COPZ1: variants seen among roughly 807,000 people sequenced by gnomAD.
COPZ1 encodes the protein coat protein complex I subunit zeta 1, also known as coatomer subunit zeta-1.
In COPZ1, 4 loss-of-function variants were observed where a neutral mutation model predicts 31.7. That is an observed-to-expected ratio of 0.13 (90% CI 0.06 to 0.29). COPZ1 has a LOEUF of 0.29. COPZ1 is among the 10% of genes least tolerant of loss of function. The probability of loss-of-function intolerance (pLI) is 1.00; values close to 1 mark genes in which losing one functional copy is unlikely to be tolerated. For synonymous variants in COPZ1, 74 were observed against 79.0 expected (o/e 0.94, Z 0.33); for missense variants, 156 against 211.5 (o/e 0.74, Z 1.63).
chr12:54,329,690 C>G (rs1592196390), intron 1 of COPZ1, among the ~76,000 whole-genome samples: 2 of 152,180 alleles, frequency 1.3e-5, no homozygotes, highest in African/African-American at 4.8e-5. Flanking sequence ...TTCTCCAGTG[C>G]TTTACAGACT....
At position 54,345,507 on chromosome 12, in the gene COPZ1, G is replaced by C; in HGVS notation, c.309G>C (p.Gln103His). 6.2e-7 allele frequency: 1 copy of C among 1,612,630 alleles called. No individual in the cohort carries two copies. The highest frequency in any genetic ancestry group is 8.5e-7 in the Non-Finnish European group (1 of 1,178,712). Reference sequence around the variant, plus strand: ...ACTGTCTCTTCGACTCATTGAGCCAGATGCTGAGGTGAGCAGGACATTCTT... The same window carrying C: ...ACTGTCTCTTCGACTCATTGAGCCACATGCTGAGGTGAGCAGGACATTCTT... ...VLNCLFDSLS[Q>H]MLRKNVEKRA... The change falls in exon 5 of 9, where the codon CAG (glutamine) becomes CAC (histidine). Residue 103 changes from glutamine to histidine, a missense_variant. By Grantham distance (24) the Gln-to-His change is conservative. Transcript: ENST00000262061.
chr12:54,348,787 G>A (rs1436226335), intron 7 of COPZ1, among the ~76,000 whole-genome samples: 2 of 152,018 alleles, frequency 1.3e-5, no homozygotes, highest in Non-Finnish European at 2.9e-5. Flanking sequence ...CATAACTGAG[G>A]ATGGTACCTC....
chr12:54,345,352 G>A, intron 4 of COPZ1, 108 bp from the exon 5 acceptor site: 1 of 739,380 alleles, frequency 1.4e-6, no homozygotes, highest in Non-Finnish European at 2.3e-6. Flanking sequence ...TTGGTCCTTT[G>A]TGAAAGCCTG....
At chr12:54,329,115 T>G (rs1953709572) in intron 1 of COPZ1, among the ~76,000 whole-genome samples, 1 of 152,192 alleles carries the variant, frequency 6.6e-6, no homozygotes, top group Non-Finnish European at 1.5e-5. Flanking sequence ...TTCCCAATGC[T>G]TAATAATAGT....
At chr12:54,339,508 T>G (rs1249986573) in intron 1 of COPZ1, among the ~76,000 whole-genome samples, 1 of 152,000 alleles carries the variant, frequency 6.6e-6, no homozygotes, top group Non-Finnish European at 1.5e-5. Context: ...CCACCACACC[T>G]GGCTAATTTT....
At chr12:54,328,275 CAA>C (rs35785237) in intron 1 of COPZ1, among the ~76,000 whole-genome samples, 4 of 111,594 alleles carry the variant, frequency 3.6e-5, no homozygotes, top group Non-Finnish European at 1.8e-5. Flanking sequence ...GACTCCATCT[CAA>C]AAAAAAAAAA....
chr12:54,328,342 T>A (rs1423982899), intron 1 of COPZ1, among the ~76,000 whole-genome samples: 3 of 148,580 alleles, frequency 2.0e-5, no homozygotes, highest in African/African-American at 7.5e-5. Flanking sequence ...GAGGCCGAGG[T>A]GGGCGGATCA....
At chr12:54,327,907 GATA>G (rs146237893) in intron 1 of COPZ1, among the ~76,000 whole-genome samples, 15,013 of 152,078 alleles carry the variant, frequency 0.099, 1,582 homozygotes, top group African/African-American at 0.27. Flanking sequence ...GAATGAGGAA[GATA>G]ATAATTGGGG....
At chr12:54,327,296 GTTT>G (rs79015590) in intron 1 of COPZ1, among the ~76,000 whole-genome samples, 2 of 118,664 alleles carry the variant, frequency 1.7e-5, no homozygotes, top group Non-Finnish European at 3.6e-5. Flanking sequence ...CAGTTAGCAA[GTTT>G]TTTTTTTTTT....
chr12:54,328,573 TAAAGAA>T (rs1203597845), intron 1 of COPZ1, among the ~76,000 whole-genome samples: 2 of 152,132 alleles, frequency 1.3e-5, no homozygotes, highest in Non-Finnish European at 2.9e-5. Flanking sequence ...TCAGAAAAGT[TAAAGAA>T]AAAGAAAGTC....
intron 5 of COPZ1, among the ~76,000 whole-genome samples, chr12:54,346,175 A>G (rs1011325969): frequency 1.3e-5 from 2 of 152,044 alleles, no homozygotes; most frequent in Admixed American, 6.6e-5. Context: ...CATTCTTGAC[A>G]TTAGAAGTAG....
At chr12:54,329,351 A>T (rs938176782) in intron 1 of COPZ1, among the ~76,000 whole-genome samples, 1 of 152,122 alleles carries the variant, frequency 6.6e-6, no homozygotes, top group Non-Finnish European at 1.5e-5. Context: ...TGTAATCCTG[A>T]GGTGAGTGGA....
chr12:54,334,222 C>T (rs1216010987), intron 1 of COPZ1, among the ~76,000 whole-genome samples: 5 of 151,646 alleles, frequency 3.3e-5, no homozygotes, highest in South Asian at 4.2e-4. Flanking sequence ...GGCGAAACCC[C>T]GTCTCTACAA....
intron 1 of COPZ1, among the ~76,000 whole-genome samples, chr12:54,332,693 C>G (rs1050237404): frequency 7.3e-5 from 11 of 150,496 alleles, no homozygotes; most frequent in African/African-American, 2.7e-4. Context: ...GAGATTGCAC[C>G]ATTGCACTCC....
rs755300280 is a variant in COPZ1, at chr12:54,350,586, C to T, written c.*63C>T. 4.2e-4 allele frequency: 526 copies of T among 1,263,230 alleles called. 1 individual carries two copies. The highest frequency in any genetic ancestry group is 5.9e-4 in the Non-Finnish European group (511 of 859,870). 78.3% of individuals were successfully genotyped at this position (1,263,230 alleles called of 1,614,324 possible). ...AATTTGCATGTCTGCTGTGAATTTT[C>T]ATCTAGTTCCCCAATCGATGCTCTC... On this transcript the variant is annotated 3_prime_UTR_variant, in exon 9 of 9. Coordinates refer to ENST00000262061, the MANE Select transcript of COPZ1 (RefSeq NM_016057.3).
At chr12:54,337,701 C>T (rs893584409) in intron 1 of COPZ1, among the ~76,000 whole-genome samples, 3 of 152,164 alleles carry the variant, frequency 2.0e-5, no homozygotes, top group Non-Finnish European at 2.9e-5. Flanking sequence ...GGCATTTAAG[C>T]GCCTGCCTAA....
intron 1 of COPZ1, 147 bp from the exon 2 acceptor site, chr12:54,340,400 A>G: frequency 7.6e-7 from 1 of 1,313,756 alleles, no homozygotes; most frequent in Non-Finnish European, 1.0e-6. Flanking sequence ...TCAATGGGAA[A>G]TATCAAAATC....
At chr12:54,348,465 G>A (rs973526804) in intron 7 of COPZ1, among the ~76,000 whole-genome samples, 5 of 152,260 alleles carry the variant, frequency 3.3e-5, no homozygotes, top group South Asian at 2.1e-4. Flanking sequence ...AGGACTGAGC[G>A]TGGTGGCTCA....
intron 1 of COPZ1, among the ~76,000 whole-genome samples, chr12:54,333,026 A>C (rs1030142985): frequency 6.6e-6 from 1 of 151,956 alleles, no homozygotes; most frequent in African/African-American, 2.4e-5. Context: ...TGAAATCATA[A>C]AAAAATTATT....
Sources: allele counts gnomAD v4.1 joint callset (sites outside exome capture counted in the v4.1 genomes callset), GRCh38; gene constraint gnomAD v4.1.1; transcripts MANE v1.5; gene names NCBI Gene and HGNC (gene_info 2026-07-23, HGNC 2026-07-21).